LRP1B: variants seen among roughly 807,000 people sequenced by gnomAD.
LRP1B encodes the protein low-density lipoprotein receptor-related protein 1B.
In LRP1B, 217 loss-of-function variants were observed where a neutral mutation model predicts 556.6. The observed-to-expected ratio is 0.39, with a 90% CI of 0.35 to 0.44. The LOEUF (loss-of-function observed/expected upper bound fraction) is 0.44, where lower values mean the gene tolerates loss of function less well. LRP1B is among the 20% of genes least tolerant of loss of function. The pLI, the probability that LRP1B is intolerant of heterozygous loss-of-function variation, is 1.00. For missense variants in LRP1B, 5,053 were observed against 5,620.8 expected (o/e 0.90, Z 3.23); for synonymous variants, 2,047 against 1,865.8 (o/e 1.10, Z -2.50).
chr2:140,762,899 C>T (rs1688975607), intron 35 of LRP1B, among the ~76,000 whole-genome samples: 1 of 151,946 alleles, frequency 6.6e-6, no homozygotes, highest in Admixed American at 6.6e-5. Context: ...GGAAGAAAAG[C>T]ACTTTTTCAA....
intron 60 of LRP1B, among the ~76,000 whole-genome samples, chr2:140,465,728 A>AAAAAAAAAAAAAAAAAAAAAAAG (rs1212346708): frequency 1.1e-4 from 16 of 151,524 alleles, no homozygotes; most frequent in African/African-American, 3.2e-4. Flanking sequence ...TGCAAAAAAA[A>AAAAAAAAAAAAAAAAAAAAAAAG]AAAAAAGAAA....
At chr2:140,668,170 G>A (rs1273458843) in intron 41 of LRP1B, among the ~76,000 whole-genome samples, 1 of 151,802 alleles carries the variant, frequency 6.6e-6, no homozygotes, top group Non-Finnish European at 1.5e-5. Context: ...AATTAGCCGG[G>A]TGTGGCGGCG....
chr2:140,320,946 C>T (rs2105050166), intron 82 of LRP1B, among the ~76,000 whole-genome samples: 1 of 152,158 alleles, frequency 6.6e-6, no homozygotes, highest in South Asian at 2.1e-4. Context: ...GTCCCAGCTA[C>T]TTGGGAGGCT....
intron 1 of LRP1B, among the ~76,000 whole-genome samples, chr2:142,016,530 G>A (rs1658052280): frequency 6.6e-6 from 1 of 152,058 alleles, no homozygotes; most frequent in African/African-American, 2.4e-5. Flanking sequence ...CCTTTGCAGG[G>A]ACATGGATGA....
chr2:140,974,868 GAGA>G (rs1315199321), intron 18 of LRP1B, among the ~76,000 whole-genome samples: 3 of 152,188 alleles, frequency 2.0e-5, no homozygotes, highest in Admixed American at 6.6e-5. Flanking sequence ...CCAAATGCAA[GAGA>G]AGGACAGACT....
intron 35 of LRP1B, among the ~76,000 whole-genome samples, chr2:140,726,898 G>C (rs141437631): frequency 1.3e-5 from 2 of 151,908 alleles, no homozygotes; most frequent in African/African-American, 4.8e-5. Context: ...ACACTACATA[G>C]AATAATTTTT....
intron 1 of LRP1B, among the ~76,000 whole-genome samples, chr2:141,937,651 A>G (rs527959567): frequency 2.0e-5 from 3 of 151,046 alleles, no homozygotes; most frequent in African/African-American, 7.3e-5. Context: ...AAAAAAAACC[A>G]TGGTGCACCT....
chr2:140,367,728 G>A (rs1682825767), intron 71 of LRP1B, among the ~76,000 whole-genome samples: 1 of 151,708 alleles, frequency 6.6e-6, no homozygotes, highest in African/African-American at 2.4e-5. Flanking sequence ...AAAATCAAAT[G>A]CCTAGAATAT....
chr2:140,629,338 G>A (rs1350926204), intron 41 of LRP1B, among the ~76,000 whole-genome samples: 1 of 152,008 alleles, frequency 6.6e-6, no homozygotes, highest in Non-Finnish European at 1.5e-5. Flanking sequence ...AAAGTGTTGG[G>A]ATTACAGGTG....
At chr2:140,420,098 C>T (rs9677298) in intron 66 of LRP1B, among the ~76,000 whole-genome samples, 2,221 of 150,270 alleles carry the variant, frequency 0.015, 54 homozygotes, top group African/African-American at 0.051. Flanking sequence ...ATATATGAGC[C>T]GATGCTAAAG....
intron 27 of LRP1B, among the ~76,000 whole-genome samples, chr2:140,857,342 G>A (rs536442279): frequency 1.3e-5 from 2 of 152,136 alleles, no homozygotes; most frequent in East Asian, 3.9e-4. Context: ...ATTTGTATGA[G>A]AACAATTACT....
intron 2 of LRP1B, among the ~76,000 whole-genome samples, chr2:141,577,275 C>A (rs1686785991): frequency 6.6e-6 from 1 of 152,074 alleles, no homozygotes; most frequent in African/African-American, 2.4e-5. Context: ...TGTGTTGTTT[C>A]TTTTGCTGTA....
At chr2:141,487,841 T>C (rs1231441876) in intron 2 of LRP1B, among the ~76,000 whole-genome samples, 1 of 152,170 alleles carries the variant, frequency 6.6e-6, no homozygotes, top group Non-Finnish European at 1.5e-5. Context: ...GGTTTAGAGA[T>C]CAAAGACTTG....
chr2:141,115,635 G>A (rs1291518878), intron 7 of LRP1B, among the ~76,000 whole-genome samples: 1 of 46,096 alleles, frequency 2.2e-5, no homozygotes, highest in Admixed American at 3.2e-4. Context: ...TTGTGTGTGT[G>A]TGTGTGTGTG....
intron 3 of LRP1B, among the ~76,000 whole-genome samples, chr2:141,313,582 C>A (rs1686891609): frequency 6.6e-6 from 1 of 152,158 alleles, no homozygotes; most frequent in Non-Finnish European, 1.5e-5. Flanking sequence ...CTCTTTTACT[C>A]TTTCCTGGAT....
intron 2 of LRP1B, among the ~76,000 whole-genome samples, chr2:141,806,125 T>C (rs181828395): frequency 1.9e-3 from 285 of 152,192 alleles, no homozygotes; most frequent in African/African-American, 6.3e-3. Flanking sequence ...TGGAGCCAAG[T>C]GTTGAAAAGG....
At position 140,977,597 on chromosome 2, in the gene LRP1B, CG is replaced by C. The variant is rs1304345239; in HGVS notation, c.2887+4562del. 1.4e-3 allele frequency among the ~76,000 whole-genome samples: 56 copies of C among 40,536 alleles called. No homozygotes were observed. In the Middle Eastern group the frequency reaches 0.039, roughly 29 times the overall value. 26.6% of individuals were successfully genotyped at this position (40,536 alleles called of 152,430 possible). On this transcript the variant is annotated intron_variant, in intron 18 of 90. Coordinates refer to ENST00000389484, the MANE Select transcript of LRP1B (RefSeq NM_018557.3). ...TATTAGGGTGGTGCAACAGTAATTG[CG>C]TTTTTTTTTGTTGTTGTTCTCCATA...
chr2:141,046,702 T>C (rs1456920252), intron 11 of LRP1B, among the ~76,000 whole-genome samples: 4 of 152,080 alleles, frequency 2.6e-5, no homozygotes, highest in Non-Finnish European at 5.9e-5. Flanking sequence ...TTAAGATTAT[T>C]AGCAGGAACA....
Position 140,506,776 on chromosome 2 carries a change from G to T in LRP1B, c.8521+20C>A. On this transcript the variant is annotated intron_variant, in intron 53 of 90. Transcript: ENST00000389484. Reference sequence around the variant, plus strand: ...CTCTTAGCCTAGGAATCTCCTTCATGAAGTTTTAGATGTACTTACCACACT... The same window carrying T: ...CTCTTAGCCTAGGAATCTCCTTCATTAAGTTTTAGATGTACTTACCACACT... The T allele has an allele frequency of 6.3e-7, 1 of 1,596,772 alleles. No homozygotes were observed. Among genetic ancestry groups the T allele is most frequent in the South Asian group, 1.1e-5 (1 of 87,508 alleles).
Sources: allele counts gnomAD v4.1 joint callset (sites outside exome capture counted in the v4.1 genomes callset), GRCh38; gene constraint gnomAD v4.1.1; transcripts MANE v1.5; gene names NCBI Gene and HGNC (gene_info 2026-07-23, HGNC 2026-07-21).